Variants in PALM2AKAP2 observed in about 807,000 individuals in gnomAD.
The protein encoded by PALM2AKAP2 is PALM2-AKAP2 fusion protein.
A neutral mutation model predicts 71.5 loss-of-function variants in PALM2AKAP2; 37 were observed. That is an observed-to-expected ratio of 0.52 (90% CI 0.40 to 0.68). The LOEUF (loss-of-function observed/expected upper bound fraction) is 0.68, where lower values mean the gene tolerates loss of function less well. Among genes scored for constraint, PALM2AKAP2 ranks in the 30% least tolerant of loss-of-function variants. The pLI is 0.00. For missense variants in PALM2AKAP2, 1,224 were observed against 1,191.8 expected (o/e 1.03, Z -0.40); for synonymous variants, 468 against 478.8 (o/e 0.98, Z 0.29).
intron 1 of PALM2AKAP2, among the ~76,000 whole-genome samples, chr9:109,720,287 C>A (rs1327272041): frequency 2.0e-5 from 3 of 151,962 alleles, no homozygotes; most frequent in African/African-American, 7.3e-5. Context: ...CTGTGCCTGG[C>A]CTATATTTTC....
At chr9:109,900,138 T>C (rs956047913) in intron 3 of PALM2AKAP2, among the ~76,000 whole-genome samples, 2 of 152,346 alleles carry the variant, frequency 1.3e-5, no homozygotes, top group African/African-American at 4.8e-5. Flanking sequence ...TGTAAGCGTT[T>C]CCAGTGGGAA....
At chr9:109,655,298 CAAA>C (rs10598253) in intron 1 of PALM2AKAP2, among the ~76,000 whole-genome samples, 11,814 of 110,454 alleles carry the variant, frequency 0.11, 541 homozygotes, top group South Asian at 0.22. Context: ...GACTCGGTCT[CAAA>C]AAAAAAAAAA....
intron 1 of PALM2AKAP2, among the ~76,000 whole-genome samples, chr9:109,662,912 A>T (rs976814070): frequency 6.6e-6 from 1 of 152,198 alleles, no homozygotes. Flanking sequence ...TGTATTGTCC[A>T]GGAATTTATC....
At chr9:110,132,810 A>G (rs902449640) in intron 1 of PALM2AKAP2, among the ~76,000 whole-genome samples, 1 of 151,980 alleles carries the variant, frequency 6.6e-6, no homozygotes, top group African/African-American at 2.4e-5. Flanking sequence ...AGGTTTCACC[A>G]TGTTGATCAG....
At chr9:109,847,061 A>G (rs1464367598) in intron 1 of PALM2AKAP2, among the ~76,000 whole-genome samples, 1 of 152,186 alleles carries the variant, frequency 6.6e-6, no homozygotes. Context: ...TAGACCAACA[A>G]TGGCGCCCTA....
Position 109,939,083 on chromosome 9 carries a change from T to A in PALM2AKAP2, c.496+7055T>A, listed in dbSNP as rs553160031. On this transcript the variant is annotated intron_variant, in intron 6 of 9. Coordinates refer to the PALM2AKAP2 transcript ENST00000302798. ...AAAGGGACCTAATTTATATCTCCAC[T>A]AAGTAATAATTCTCATATTCACTTT... 5.9e-5 allele frequency among the ~76,000 whole-genome samples: 9 copies of A among 152,184 alleles called. No homozygotes were observed. The South Asian group carries it at 1.9e-3, about 32-fold the overall frequency.
At chr9:109,780,628 C>T in intron 1 of PALM2AKAP2, 95 bp downstream of exon 1, 1 of 1,540,658 alleles carries the variant, frequency 6.5e-7, no homozygotes, top group African/African-American at 1.4e-5. Context: ...AGCACAGTAG[C>T]CGCAGGTCAT....
intron 1 of PALM2AKAP2, among the ~76,000 whole-genome samples, chr9:109,644,892 G>C (rs573957972): frequency 3.3e-5 from 5 of 152,066 alleles, no homozygotes; most frequent in Admixed American, 2.0e-4. Flanking sequence ...TGTCCATATC[G>C]TTATCAGCAT....
intron 1 of PALM2AKAP2, among the ~76,000 whole-genome samples, chr9:109,671,708 G>T (rs1827576693): frequency 6.6e-6 from 1 of 152,108 alleles, no homozygotes; most frequent in African/African-American, 2.4e-5. Context: ...TAATGATATT[G>T]ATTCTTCTTA....
At chr9:110,072,998 CTATT>C (rs1449251004) in intron 1 of PALM2AKAP2, among the ~76,000 whole-genome samples, 3 of 152,206 alleles carry the variant, frequency 2.0e-5, no homozygotes, top group African/African-American at 7.2e-5. Context: ...ACATGCATCA[CTATT>C]TATTTTTAGA....
At chr9:109,764,838 A>T (rs1829124192) in intron 1 of PALM2AKAP2, among the ~76,000 whole-genome samples, 1 of 151,924 alleles carries the variant, frequency 6.6e-6, no homozygotes, top group Non-Finnish European at 1.5e-5. Context: ...AGAAAAGAAA[A>T]CTCTGAGTCA....
chr9:110,065,716 C>T (rs913842344), intron 1 of PALM2AKAP2, among the ~76,000 whole-genome samples: 2 of 152,194 alleles, frequency 1.3e-5, no homozygotes, highest in Non-Finnish European at 2.9e-5. Context: ...TTCCTTCTTT[C>T]CTCTTCCCCA....
intron 3 of PALM2AKAP2, among the ~76,000 whole-genome samples, chr9:110,163,749 T>G (rs1200717683): frequency 3.9e-5 from 6 of 152,232 alleles, no homozygotes; most frequent in African/African-American, 9.6e-5. Flanking sequence ...GGTATTCCAT[T>G]GAATGAATAT....
At chr9:109,865,738 C>T (rs145643824) in intron 1 of PALM2AKAP2, among the ~76,000 whole-genome samples, 1 of 152,268 alleles carries the variant, frequency 6.6e-6, no homozygotes, top group East Asian at 1.9e-4. Context: ...CATCTTGGTT[C>T]TGTATTTAAA....
intron 1 of PALM2AKAP2, among the ~76,000 whole-genome samples, chr9:110,114,124 A>C (rs370598907): frequency 6.6e-6 from 1 of 152,218 alleles, no homozygotes; most frequent in East Asian, 1.9e-4. Flanking sequence ...ACAGTTCAGG[A>C]GTCCTGAAGT....
At chr9:109,900,896 CT>C (rs1405830585) in intron 3 of PALM2AKAP2, among the ~76,000 whole-genome samples, 1 of 152,210 alleles carries the variant, frequency 6.6e-6, no homozygotes, top group Admixed American at 6.5e-5. Flanking sequence ...ATACCTGAAT[CT>C]TTTAAATCAG....
At chr9:109,897,197 T>C (rs886534319) in intron 3 of PALM2AKAP2, among the ~76,000 whole-genome samples, 1 of 152,236 alleles carries the variant, frequency 6.6e-6, no homozygotes, top group African/African-American at 2.4e-5. Context: ...TGTGCCTCAT[T>C]TTCCTCATCT....
In PALM2AKAP2 at chr9:109,925,108, G is replaced by A. The variant is rs767484267; in HGVS notation, c.394+26G>A. The A allele has an allele frequency of 1.1e-5, 18 of 1,613,968 alleles. No individual in the cohort carries two copies. In the South Asian group the frequency reaches 1.9e-4, roughly 17 times the overall value. ...GTAAGTGCTCTCTGCCCCGACTGTAGATGAATGTTTTAATCCTGGTCAGCT... is the reference window on the plus strand; with the variant it reads ...GTAAGTGCTCTCTGCCCCGACTGTAAATGAATGTTTTAATCCTGGTCAGCT... On this transcript the variant is annotated intron_variant, in intron 5 of 9. Coordinates refer to the PALM2AKAP2 transcript ENST00000302798.
chr9:110,013,105 C>A (rs1038696801), intron 6 of PALM2AKAP2, among the ~76,000 whole-genome samples: 2 of 152,160 alleles, frequency 1.3e-5, no homozygotes, highest in African/African-American at 4.8e-5. Context: ...CTTCCAGGTG[C>A]AGATTGGATC....
Sources: allele counts gnomAD v4.1 joint callset (sites outside exome capture counted in the v4.1 genomes callset), GRCh38; gene constraint gnomAD v4.1.1; transcripts MANE v1.5; gene names NCBI Gene and HGNC (gene_info 2026-07-23, HGNC 2026-07-21).